CNTNAP2: variants seen among roughly 807,000 people sequenced by gnomAD.
CNTNAP2 encodes contactin associated protein 2, also known as contactin-associated protein-like 2.
A neutral mutation model predicts 155.2 loss-of-function variants in CNTNAP2; 98 were observed. The observed-to-expected ratio is 0.63, with a 90% CI of 0.54 to 0.75. The LOEUF (loss-of-function observed/expected upper bound fraction) is 0.75. Among genes scored for constraint, CNTNAP2 ranks in the 30% least tolerant of loss-of-function variants. The pLI is 0.00. For missense variants in CNTNAP2, 1,727 were observed against 1,688.1 expected (o/e 1.02, Z -0.40); for synonymous variants, 651 against 631.2 (o/e 1.03, Z -0.47).
chr7:147,399,849 T>C (rs1018306123), intron 10 of CNTNAP2, among the ~76,000 whole-genome samples: 1 of 152,158 alleles, frequency 6.6e-6, no homozygotes. Context: ...TGGTGGATAA[T>C]GGGCAGAAAT....
intron 3 of CNTNAP2, among the ~76,000 whole-genome samples, chr7:147,026,183 A>G (rs957546008): frequency 1.3e-5 from 2 of 152,126 alleles, no homozygotes; most frequent in Non-Finnish European, 2.9e-5. Context: ...ATATAAATGT[A>G]TTTACATTGT....
At chr7:147,788,375 G>T (rs1797768343) in intron 13 of CNTNAP2, among the ~76,000 whole-genome samples, 1 of 152,098 alleles carries the variant, frequency 6.6e-6, no homozygotes, top group African/African-American at 2.4e-5. Flanking sequence ...ACCTTTTCAG[G>T]CATAGTGGGG....
chr7:146,531,056 G>C (rs1797761863), intron 1 of CNTNAP2, among the ~76,000 whole-genome samples: 2 of 152,128 alleles, frequency 1.3e-5, no homozygotes, highest in African/African-American at 4.8e-5. Context: ...TCACAAAAAG[G>C]AATGATCATG....
intron 4 of CNTNAP2, among the ~76,000 whole-genome samples, chr7:147,105,807 G>GT (rs1224865043): frequency 2.6e-5 from 4 of 152,076 alleles, no homozygotes; most frequent in African/African-American, 9.6e-5. Context: ...CTTTTTCTTT[G>GT]TAGGGAATCT....
chr7:147,485,855 G>T (rs1798499849), intron 10 of CNTNAP2, 80 bp from the exon 11 acceptor site: 6 of 1,345,974 alleles, frequency 4.5e-6, no homozygotes, highest in African/African-American at 1.4e-5. Context: ...ATGATATATT[G>T]CCCAGACAGC....
chr7:147,031,427 T>C (rs906238016), intron 3 of CNTNAP2, among the ~76,000 whole-genome samples: 9 of 152,274 alleles, frequency 5.9e-5, no homozygotes, highest in African/African-American at 2.2e-4. Context: ...TTATTTGTAA[T>C]AGTAAAAAAA....
In CNTNAP2 at chr7:148,359,351, C is replaced by T. The variant is rs552829064; in HGVS notation, c.3476-24298C>T. On this transcript the variant is annotated intron_variant, in intron 21 of 23. Transcript: ENST00000361727. The stretch of plus-strand genomic sequence containing the variant: ...CAGTTGCAATATAGGCAAAGCCTCC[C>T]TTCTTAAATATAAATAAGCACACTT... Among the ~76,000 whole-genome samples the T allele has an allele frequency of 4.6e-5, 7 of 152,374 alleles. No individual in the cohort carries two copies. In the South Asian group the frequency reaches 1.0e-3, roughly 23 times the overall value.
chr7:148,304,269 C>T (rs1263882654), intron 21 of CNTNAP2, among the ~76,000 whole-genome samples: 1 of 82,346 alleles, frequency 1.2e-5, no homozygotes, highest in Non-Finnish European at 3.2e-5. Flanking sequence ...ACTTTGTTAT[C>T]GTCCTGGAAA....
intron 1 of CNTNAP2, among the ~76,000 whole-genome samples, chr7:146,752,243 C>T (rs185864290): frequency 1.7e-4 from 26 of 152,270 alleles, no homozygotes; most frequent in African/African-American, 3.9e-4. Context: ...CTCCCACCAA[C>T]GGTGTAAATG....
At chr7:146,118,086 AATG>A (rs1797512347) in intron 1 of CNTNAP2, among the ~76,000 whole-genome samples, 1 of 152,182 alleles carries the variant, frequency 6.6e-6, no homozygotes, top group African/African-American at 2.4e-5. Context: ...CTTTGTTAAT[AATG>A]ATCTTATTGT....
At chr7:146,159,755 A>C (rs1462599577) in intron 1 of CNTNAP2, among the ~76,000 whole-genome samples, 1 of 152,104 alleles carries the variant, frequency 6.6e-6, no homozygotes, top group Non-Finnish European at 1.5e-5. Flanking sequence ...CCTTAGATAC[A>C]TACAACGAGA....
At position 146,932,252 on chromosome 7, in the gene CNTNAP2, T is replaced by A. The variant is rs568767916; in HGVS notation, c.402+92348T>A. 2.0e-4 allele frequency among the ~76,000 whole-genome samples: 31 copies of A among 152,304 alleles called. No individual in the cohort carries two copies. In the East Asian group the frequency reaches 4.6e-3, roughly 23 times the overall value. On this transcript the variant is annotated intron_variant, in intron 3 of 23. Coordinates refer to ENST00000361727, the MANE Select transcript of CNTNAP2 (RefSeq NM_014141.6). ...AGCTTATCACCTTGATCAAGTGGGC[T>A]TCATCCCTGGGATGCAAGGCTGGTT... is the stretch of plus-strand genomic sequence containing the variant.
rs1799287763 is a variant in CNTNAP2, at chr7:147,524,722, G to A, written c.1778-37416G>A. Among the ~76,000 whole-genome samples, 6 of 152,198 alleles carry A rather than the reference G, an allele frequency of 3.9e-5. No homozygotes were observed. The South Asian group carries it at 1.2e-3, about 31-fold the overall frequency. Reference sequence around the variant, plus strand: ...AAGCAGCCCTGACATTTTCTTGTAAGTTAGTGCAGCATAGGAGTTCCAATT... The same window carrying A: ...AAGCAGCCCTGACATTTTCTTGTAAATTAGTGCAGCATAGGAGTTCCAATT... On this transcript the variant is annotated intron_variant, in intron 11 of 23. Coordinates refer to ENST00000361727, the MANE Select transcript of CNTNAP2 (RefSeq NM_014141.6).
intron 16 of CNTNAP2, among the ~76,000 whole-genome samples, chr7:148,141,294 C>T (rs1324722894): frequency 1.3e-5 from 2 of 152,230 alleles, no homozygotes; most frequent in African/African-American, 2.4e-5. Context: ...CTTGGGCAAG[C>T]CATTAGTCCT....
At chr7:147,652,107 C>T (rs947817644) in intron 13 of CNTNAP2, among the ~76,000 whole-genome samples, 10 of 152,126 alleles carry the variant, frequency 6.6e-5, no homozygotes, top group African/African-American at 2.4e-4. Context: ...TGTATCTTTC[C>T]CGAGCTAGTA....
chr7:148,108,485 A>G (rs1409165163), intron 15 of CNTNAP2, among the ~76,000 whole-genome samples: 1 of 152,180 alleles, frequency 6.6e-6, no homozygotes, highest in Non-Finnish European at 1.5e-5. Flanking sequence ...TGAGGTTGAG[A>G]GGAGTAAACC....
At chr7:146,363,844 C>T (rs1191364935) in intron 1 of CNTNAP2, among the ~76,000 whole-genome samples, 2 of 151,772 alleles carry the variant, frequency 1.3e-5, no homozygotes, top group Non-Finnish European at 2.9e-5. Flanking sequence ...AATATTGGGT[C>T]GAGGGAGAAC....
chr7:147,888,401 A>G (rs1799633633), intron 13 of CNTNAP2, among the ~76,000 whole-genome samples: 1 of 152,166 alleles, frequency 6.6e-6, no homozygotes, highest in South Asian at 2.1e-4. Flanking sequence ...GAAATTTCCC[A>G]GAAATCTGCC....
chr7:147,466,297 T>C (rs1275844353), intron 10 of CNTNAP2, among the ~76,000 whole-genome samples: 1 of 152,202 alleles, frequency 6.6e-6, no homozygotes, highest in African/African-American at 2.4e-5. Context: ...CTCTCTGGAA[T>C]GGAGGTTTTA....
Sources: gnomAD v4.1 joint callset for allele counts (sites outside exome capture counted in the v4.1 genomes callset) on GRCh38, gnomAD v4.1.1 for gene constraint, MANE v1.5 for transcripts, NCBI Gene and HGNC (gene_info 2026-07-23, HGNC 2026-07-21) for gene names.